The following UBP1 variants were observed in gnomAD, a reference collection of about 807,000 sequenced individuals.
UBP1 encodes upstream-binding protein 1.
Under a neutral mutation model 76.1 loss-of-function variants are expected in UBP1, and 22 were observed. The observed-to-expected ratio is 0.29, with a 90% confidence interval of 0.21 to 0.41. UBP1 has a LOEUF of 0.41. UBP1 is among the 10% of genes least tolerant of loss of function. The pLI is 1.00. For missense variants in UBP1, 436 were observed against 668.1 expected, an observed-to-expected ratio of 0.65 and a Z score of 3.83; for synonymous variants, 224 against 237.1, an observed-to-expected ratio of 0.94 and a Z score of 0.51.
chr3:33,417,445 A>G (rs1293053021), intron 2 of UBP1, among the ~76,000 whole-genome samples: 5 of 152,212 alleles, frequency 3.3e-5, no homozygotes, highest in African/African-American at 7.2e-5. Flanking sequence ...AGGTTCACCC[A>G]TATGTAGTAT....
At chr3:33,412,394 C>T (rs747989551) in intron 4 of UBP1, among the ~76,000 whole-genome samples, 9 of 151,320 alleles carry the variant, frequency 5.9e-5, no homozygotes, top group Non-Finnish European at 1.0e-4. Context: ...TATGTGTGTG[C>T]GTATGTATAT....
Position 33,439,889 on chromosome 3 carries a change from G to A in UBP1, c.-41C>T. On this transcript the variant is annotated 5_prime_UTR_variant, in exon 1 of 16. In the 5' UTR this introduces an upstream ATG that the reference lacks. Transcript: ENST00000283629. Reference sequence around the variant, plus strand: ...TCGCCCCGCACACCGCGGCCTCCGCGTCCAGGGCGAAGGAGCCGGAGCTCC... The same window carrying A: ...TCGCCCCGCACACCGCGGCCTCCGCATCCAGGGCGAAGGAGCCGGAGCTCC... 6 of 1,605,588 alleles carry A rather than the reference G, an allele frequency of 3.7e-6. No homozygotes were observed. The highest frequency in any genetic ancestry group is 4.3e-6 in the Non-Finnish European group (5 of 1,176,214).
At chr3:33,412,334 G>A (rs1432187373) in intron 4 of UBP1, among the ~76,000 whole-genome samples, 1 of 151,530 alleles carries the variant, frequency 6.6e-6, no homozygotes, top group Non-Finnish European at 1.5e-5. Flanking sequence ...ATACGAGGAT[G>A]GGAAAAAAAT....
intron 2 of UBP1, among the ~76,000 whole-genome samples, chr3:33,421,042 G>C (rs967689095): frequency 2.0e-5 from 3 of 152,218 alleles, no homozygotes; most frequent in African/African-American, 7.2e-5. Context: ...AGTCAGCAAG[G>C]GGGTAAGATC....
At chr3:33,417,664 A>G (rs2044764040) in intron 2 of UBP1, among the ~76,000 whole-genome samples, 1 of 152,226 alleles carries the variant, frequency 6.6e-6, no homozygotes, top group Admixed American at 6.5e-5. Flanking sequence ...AAAAATTAAT[A>G]ATGTACTCCA....
chr3:33,428,245 A>T (rs1010203672), intron 1 of UBP1, among the ~76,000 whole-genome samples: 1 of 151,930 alleles, frequency 6.6e-6, no homozygotes, highest in East Asian at 1.9e-4. Flanking sequence ...ATAACAGTCA[A>T]ATTGGCTCCA....
chr3:33,400,954 ATACT>A lies in UBP1; in HGVS notation c.1086+4_1086+7del, dbSNP rs2044204415. On this transcript the variant is annotated splice_donor_5th_base_variant and intron_variant, in intron 10 of 15. Transcript: ENST00000283629. ...AGCATCAGATAGTTTTAGGAGAAAG[ATACT>A]TACTTCACCAGAGGTCTGTGAAGCT... is the stretch of plus-strand genomic sequence containing the variant. 1 of 1,593,670 alleles carries A rather than the reference ATACT, an allele frequency of 6.3e-7. No homozygotes were observed. Among genetic ancestry groups the A allele is most frequent in the South Asian group, 1.2e-5 (1 of 86,296 alleles).
At chr3:33,434,657 C>G (rs1232305649) in intron 1 of UBP1, among the ~76,000 whole-genome samples, 1 of 143,038 alleles carries the variant, frequency 7.0e-6, no homozygotes, top group Non-Finnish European at 1.5e-5. Context: ...CGTTTTTACA[C>G]AATTATGGGG....
chr3:33,436,375 A>C (rs1011814489), intron 1 of UBP1, among the ~76,000 whole-genome samples: 1 of 152,240 alleles, frequency 6.6e-6, no homozygotes, highest in Non-Finnish European at 1.5e-5. Context: ...TCAACATAGG[A>C]AATCTGTCAT....
chr3:33,395,674 T>C (rs1245528708), intron 13 of UBP1, among the ~76,000 whole-genome samples: 2 of 141,130 alleles, frequency 1.4e-5, no homozygotes, highest in Non-Finnish European at 3.0e-5. Flanking sequence ...TCCACACACT[T>C]AGGACTATTA....
intron 8 of UBP1, among the ~76,000 whole-genome samples, chr3:33,404,971 T>C (rs1188461449): frequency 1.3e-5 from 2 of 152,232 alleles, no homozygotes; most frequent in South Asian, 2.1e-4. Context: ...ATGTAATAAA[T>C]ATTCATCAAA....
chr3:33,389,179 T>C lies in UBP1; in HGVS notation c.*1152A>G, dbSNP rs991004097. ...TGGTTTTATGAAAGAGGCACTCTTATAGAGAAAGAAGCTAGTATGTGGTGT... is the reference window on the plus strand; with the variant it reads ...TGGTTTTATGAAAGAGGCACTCTTACAGAGAAAGAAGCTAGTATGTGGTGT... On this transcript the variant is annotated 3_prime_UTR_variant, in exon 16 of 16. Coordinates refer to ENST00000283629, the MANE Select transcript of UBP1 (RefSeq NM_014517.5). 12 of 152,624 alleles carry C rather than the reference T, an allele frequency of 7.9e-5. No individual in the cohort carries two copies. Among genetic ancestry groups the C allele is most frequent in the Non-Finnish European group, 1.3e-4 (9 of 68,044 alleles). 9.5% of individuals were successfully genotyped at this position (152,624 alleles called of 1,614,324 possible).
chr3:33,412,200 A>C (rs940672001), intron 4 of UBP1, among the ~76,000 whole-genome samples: 18 of 151,780 alleles, frequency 1.2e-4, no homozygotes, highest in Non-Finnish European at 2.1e-4. Context: ...AAAAAAAAAA[A>C]AAAAAAGATA....
At chr3:33,421,863 G>A (rs1210440905) in intron 2 of UBP1, among the ~76,000 whole-genome samples, 1 of 152,062 alleles carries the variant, frequency 6.6e-6, no homozygotes, top group Non-Finnish European at 1.5e-5. Flanking sequence ...GACCAACATG[G>A]TAAAACCCCA....
At chr3:33,404,119 T>C (rs2044347657) in intron 8 of UBP1, among the ~76,000 whole-genome samples, 1 of 151,800 alleles carries the variant, frequency 6.6e-6, no homozygotes, top group Non-Finnish European at 1.5e-5. Context: ...AACAATAAAA[T>C]AAATATAATG....
intron 1 of UBP1, among the ~76,000 whole-genome samples, chr3:33,435,862 A>G (rs1406517556): frequency 6.6e-6 from 1 of 152,206 alleles, no homozygotes; most frequent in East Asian, 1.9e-4. Flanking sequence ...TACAACATAC[A>G]GTGTCTACTG....
intron 8 of UBP1, among the ~76,000 whole-genome samples, chr3:33,404,319 G>T (rs2044354992): frequency 6.6e-6 from 1 of 152,058 alleles, no homozygotes; most frequent in African/African-American, 2.4e-5. Context: ...GGCTGAGGCA[G>T]GAGAATCGCT....
chr3:33,433,056 T>G lies in UBP1; in HGVS notation c.113+6680A>C, dbSNP rs1575492306. On this transcript the variant is annotated intron_variant, in intron 1 of 15. Coordinates refer to ENST00000283629, the MANE Select transcript of UBP1 (RefSeq NM_014517.5). The stretch of plus-strand genomic sequence containing the variant: ...AACAATTTCACAATGTCCAAAAAAC[T>G]CAGAGTTTTTTGTTTTTTTTTTGAG... Among the ~76,000 whole-genome samples, 4 of 151,870 alleles carry G rather than the reference T, an allele frequency of 2.6e-5. No homozygotes were observed. In the East Asian group the frequency reaches 7.7e-4, roughly 29 times the overall value.
At chr3:33,415,237 C>T (rs148922874) in intron 3 of UBP1, among the ~76,000 whole-genome samples, 17 of 152,342 alleles carry the variant, frequency 1.1e-4, no homozygotes, top group Non-Finnish European at 2.1e-4. Context: ...GCCAGCTTGT[C>T]TCCACTGATA....
Sources: allele counts gnomAD v4.1 joint callset (sites outside exome capture counted in the v4.1 genomes callset), GRCh38; gene constraint gnomAD v4.1.1; transcripts MANE v1.5; gene names NCBI Gene and HGNC (gene_info 2026-07-23, HGNC 2026-07-21).